Variants in S100Z observed in about 807,000 individuals in gnomAD.
S100Z encodes the protein S100 calcium binding protein Z.
A neutral mutation model predicts 8.5 loss-of-function variants in S100Z; 11 were observed. The observed-to-expected ratio is 1.30, with a 90% CI of 0.82 to 2.15. The LOEUF (loss-of-function observed/expected upper bound fraction) is 2.15. S100Z is among the 30% of genes most tolerant of loss of function. The pLI, the probability that S100Z is intolerant of heterozygous loss-of-function variation, is 0.00. For synonymous variants in S100Z, 34 were observed against 43.8 expected (o/e 0.78, Z 0.89); for missense variants, 126 against 117.9 (o/e 1.07, Z -0.32).
intron 3 of S100Z, 133 bp from the exon 4 acceptor site, chr5:76,877,541 T>C: frequency 1.6e-6 from 1 of 624,602 alleles, no homozygotes; most frequent in Non-Finnish European, 2.8e-6. Flanking sequence ...TACCTGTAAA[T>C]AGGTTCTTAG....
At chr5:76,864,714 A>C (rs559840908) in intron 1 of S100Z, among the ~76,000 whole-genome samples, 1 of 132,652 alleles carries the variant, frequency 7.5e-6, no homozygotes, top group South Asian at 2.4e-4. Flanking sequence ...CATTTATTAT[A>C]CTTTTTTCTT....
At chr5:76,859,463 G>A (rs1393013945) in intron 1 of S100Z, among the ~76,000 whole-genome samples, 2 of 152,062 alleles carry the variant, frequency 1.3e-5, no homozygotes, top group African/African-American at 4.8e-5. Context: ...TTTACCCTCA[G>A]GACCGCATCC....
At chr5:76,860,484 A>G (rs1385005756) in intron 1 of S100Z, among the ~76,000 whole-genome samples, 3 of 152,240 alleles carry the variant, frequency 2.0e-5, no homozygotes, top group Non-Finnish European at 4.4e-5. Flanking sequence ...AGAGGGGCTG[A>G]TGGGAGGCTT....
intron 4 of S100Z, among the ~76,000 whole-genome samples, chr5:76,919,542 C>CCCTCCCTCCCTT (rs1744968072): frequency 7.4e-6 from 1 of 135,202 alleles, no homozygotes; most frequent in African/African-American, 2.8e-5. Flanking sequence ...CTCCCTCCCT[C>CCCTCCCTCCCTT]CCTCCCTCCC....
intron 1 of S100Z, among the ~76,000 whole-genome samples, chr5:76,852,099 A>G (rs959177157): frequency 6.6e-6 from 1 of 151,264 alleles, no homozygotes; most frequent in Non-Finnish European, 1.5e-5. Context: ...TCTGAGCCAT[A>G]TCCCATCTGG....
chr5:76,952,537 T>C, the S100Z span, among the ~76,000 whole-genome samples: 1 of 152,240 alleles, frequency 6.6e-6, no homozygotes, highest in Admixed American at 6.5e-5. Context: ...TCTGCTTCTG[T>C]TCCACCTCTT....
intron 4 of S100Z, among the ~76,000 whole-genome samples, chr5:76,912,848 G>A (rs6453262): frequency 0.69 from 104,157 of 151,808 alleles, 36,463 homozygotes; most frequent in African/African-American, 0.82. Context: ...CAGAAAGAGA[G>A]AGAGAGAGGA....
the S100Z span, among the ~76,000 whole-genome samples, chr5:76,949,834 G>A: frequency 2.6e-5 from 4 of 152,184 alleles, no homozygotes; most frequent in South Asian, 6.2e-4. Context: ...CGCTAATAAT[G>A]GGTATAAAGT....
At chr5:76,862,769 T>C (rs1222932581) in intron 1 of S100Z, among the ~76,000 whole-genome samples, 1 of 151,924 alleles carries the variant, frequency 6.6e-6, no homozygotes, top group African/African-American at 2.4e-5. Flanking sequence ...GCCACTCCAC[T>C]CCAGCCTGGG....
intron 1 of S100Z, among the ~76,000 whole-genome samples, chr5:76,851,419 G>A (rs1013408858): frequency 2.6e-5 from 4 of 152,120 alleles, no homozygotes; most frequent in Non-Finnish European, 5.9e-5. Context: ...CAGTAATTCA[G>A]GCCAGAAGTG....
At chr5:76,861,394 AG>A (rs1233543545) in intron 1 of S100Z, among the ~76,000 whole-genome samples, 3 of 151,186 alleles carry the variant, frequency 2.0e-5, no homozygotes, top group African/African-American at 7.3e-5. Context: ...GGCTGGAGTG[AG>A]GTGGCGTGAA....
chr5:76,939,943 A>T, the S100Z span, among the ~76,000 whole-genome samples: 4 of 151,936 alleles, frequency 2.6e-5, no homozygotes, highest in Non-Finnish European at 5.9e-5. Flanking sequence ...GCGGATCACG[A>T]GGTCAAGAGA....
At chr5:76,883,305 G>A (rs1743479962) in intron 4 of S100Z, among the ~76,000 whole-genome samples, 1 of 152,148 alleles carries the variant, frequency 6.6e-6, no homozygotes, top group Non-Finnish European at 1.5e-5. Flanking sequence ...AATGAGGTGT[G>A]CTTGTAGCCT....
the S100Z span, among the ~76,000 whole-genome samples, chr5:76,947,263 C>G: frequency 5.9e-5 from 9 of 151,780 alleles, no homozygotes; most frequent in African/African-American, 1.9e-4. Context: ...TTTTGGCTTA[C>G]GCTCAAGTTT....
chr5:76,912,941 A>C (rs1290086987), intron 4 of S100Z, among the ~76,000 whole-genome samples: 1 of 90,994 alleles, frequency 1.1e-5, no homozygotes, highest in Non-Finnish European at 2.5e-5. Flanking sequence ...AGAGACAGAG[A>C]GAGTCAGAGA....
intron 4 of S100Z, among the ~76,000 whole-genome samples, chr5:76,902,305 T>C (rs1744254984): frequency 6.6e-6 from 1 of 152,160 alleles, no homozygotes; most frequent in South Asian, 2.1e-4. Context: ...TTTCAGTCCT[T>C]ATGGTCTAGA....
intron 4 of S100Z, among the ~76,000 whole-genome samples, chr5:76,890,114 C>T (rs1743805867): frequency 6.6e-6 from 1 of 152,228 alleles, no homozygotes; most frequent in African/African-American, 2.4e-5. Context: ...ACCTCTGCCT[C>T]CCAGGTTCAG....
At chr5:76,942,659 T>G in the S100Z span, among the ~76,000 whole-genome samples, 1 of 152,150 alleles carries the variant, frequency 6.6e-6, no homozygotes, top group African/African-American at 2.4e-5. Flanking sequence ...TAGTATCAGC[T>G]CTTCATCCAC....
chr5:76,882,271 G>A (rs1308250821), intron 4 of S100Z, among the ~76,000 whole-genome samples: 2 of 152,168 alleles, frequency 1.3e-5, no homozygotes, highest in Non-Finnish European at 1.5e-5. Context: ...CAGACATGAA[G>A]GCTAGGCTAA....
Sources: allele counts gnomAD v4.1 joint callset (sites outside exome capture counted in the v4.1 genomes callset), GRCh38; gene constraint gnomAD v4.1.1; transcripts MANE v1.5; gene names NCBI Gene and HGNC (gene_info 2026-07-23, HGNC 2026-07-21).